The following MSH6 variants were observed in gnomAD, a reference collection of about 807,000 sequenced individuals.
MSH6 encodes the protein DNA mismatch repair protein Msh6.
A neutral mutation model predicts 119.1 loss-of-function variants in MSH6; 85 were observed. The observed-to-expected ratio is 0.71, with a 90% CI of 0.60 to 0.85. MSH6 has a LOEUF of 0.85. Among genes scored for constraint, MSH6 ranks in the 40% least tolerant of loss-of-function variants. MSH6 has a pLI of 0.00. For missense variants in MSH6, 2,163 were observed against 1,655.3 expected, an observed-to-expected ratio of 1.31 and a Z score of -5.32; for synonymous variants, 830 against 586.9, an observed-to-expected ratio of 1.41 and a Z score of -5.99.
chr2:47,783,634 T>C (rs917346080), intron 1 of MSH6, 141 bp downstream of exon 1: 7 of 842,734 alleles, frequency 8.3e-6, no homozygotes, highest in Non-Finnish European at 1.2e-5. Context: ...CAGAGTTGGC[T>C]TGAATGAGTG....
rs1668714250 is a variant in MSH6 at position 47,791,230 on chromosome 2, T to G, written c.457+107T>G. On this transcript the variant is annotated intron_variant, in intron 2 of 9. Transcript: ENST00000234420. The stretch of plus-strand genomic sequence containing the variant: ...TTCTATATGATGAAATTAAGTGTAT[T>G]TTACCCCAGTAAATTGCAAGGGGTG... The G allele has an allele frequency of 3.7e-6, 4 of 1,089,444 alleles. No homozygotes were observed. In the East Asian group the frequency reaches 9.8e-5, roughly 27 times the overall value. 67.5% of individuals were successfully genotyped at this position (1,089,444 alleles called of 1,614,324 possible).
downstream of MSH6, chr2:47,808,650 A>G (rs935328478): frequency 2.2e-6 from 1 of 444,924 alleles, no homozygotes; most frequent in African/African-American, 2.0e-5. Flanking sequence ...AATTGTATAA[A>G]GGCAGTTCTT....
intron 3 of MSH6, among the ~76,000 whole-genome samples, chr2:47,797,273 C>G (rs373105315): frequency 6.6e-6 from 1 of 152,162 alleles, no homozygotes; most frequent in Non-Finnish European, 1.5e-5. Context: ...TATAACTAAG[C>G]TCAGTTTCAT....
At chr2:47,784,385 G>A in intron 1 of MSH6, 1 of 376,172 alleles carries the variant, frequency 2.7e-6, no homozygotes, top group Non-Finnish European at 3.7e-6. Flanking sequence ...ATCGGGCGCT[G>A]GACAAAGATG....
rs1553414094 is a variant in MSH6, at chr2:47,800,724, C to A, written c.2741C>A (p.Thr914Lys). The A allele has an allele frequency of 6.2e-7, 1 of 1,614,152 alleles. No homozygotes were observed. The highest frequency in any genetic ancestry group is 8.5e-7 in the Non-Finnish European group (1 of 1,180,024). ...ACTGTAGAATTGAACCGATGGGATA[C>A]AGCCTTTGACCATGAAAAGGCTCGA... ...DLTVELNRWD[T>K]AFDHEKARKT... The change falls in exon 4 of 10, where the codon ACA becomes AAA. Residue 914 changes from threonine to lysine, a missense_variant. Physicochemically the swap from Thr to Lys is moderately conservative, Grantham distance 78 (BLOSUM62 -1). Coordinates refer to ENST00000234420, the MANE Select transcript of MSH6 (RefSeq NM_000179.3).
intron 6 of MSH6, 22 bp downstream of exon 6, chr2:47,805,049 T>A: frequency 6.8e-7 from 1 of 1,467,344 alleles, no homozygotes; most frequent in Non-Finnish European, 9.6e-7. Flanking sequence ...GTTTCCCACT[T>A]AAGTTCTCAT....
chr2:47,808,040 A>G, downstream of MSH6: 6 of 1,320,744 alleles, frequency 4.5e-6, no homozygotes, highest in Non-Finnish European at 5.3e-6. Context: ...GCATGGGCAA[A>G]TATTTTAAAT....
downstream of MSH6, chr2:47,809,400 G>T (rs775253664): frequency 2.5e-4 from 170 of 688,576 alleles, no homozygotes; most frequent in Non-Finnish European, 3.8e-4. Context: ...TGAAGTAATT[G>T]TAAGAAATCA....
At position 47,800,946 on chromosome 2, in the gene MSH6, G is replaced by A. The variant is rs115386788; in HGVS notation, c.2963G>A (p.Arg988His). Reference sequence around the variant, plus strand: ...GAAATTCCTGAGAATTTCACCACTCGCAATTTGCCAGAAGAATACGAGTTG... The same window carrying A: ...GAAATTCCTGAGAATTTCACCACTCACAATTTGCCAGAAGAATACGAGTTG... ...QLEIPENFTT[R>H]NLPEEYELKS... The change falls in exon 4 of 10, where the codon CGC becomes CAC. Residue 988 changes from arginine to histidine, a missense_variant. Physicochemically the swap from Arg to His is conservative, Grantham distance 29. Transcript: ENST00000234420. 41 of 1,571,572 alleles carry A rather than the reference G, an allele frequency of 2.6e-5. No homozygotes were observed. The South Asian group carries it at 3.7e-4, about 14-fold the overall frequency.
downstream of MSH6, chr2:47,809,780 A>G (rs1173481644): frequency 1.1e-6 from 1 of 915,804 alleles, no homozygotes; most frequent in African/African-American, 1.7e-5. Flanking sequence ...TTAGCAAGCA[A>G]ATGTAAACTG....
chr2:47,788,772 A>G (rs1479268986), intron 1 of MSH6, among the ~76,000 whole-genome samples: 12 of 150,770 alleles, frequency 8.0e-5, no homozygotes, highest in Admixed American at 7.9e-4. Context: ...GGGTTTCGCC[A>G]TGTTGGCCAG....
At chr2:47,789,409 C>CT in intron 1 of MSH6, 18 of 461,904 alleles carry the variant, frequency 3.9e-5, no homozygotes, top group Admixed American at 1.5e-4. Context: ...TTCACACAAA[C>CT]TTTTTTTTCC....
chr2:47,789,292 A>C, intron 1 of MSH6: 6 of 375,360 alleles, frequency 1.6e-5, no homozygotes, highest in Non-Finnish European at 2.1e-5. Flanking sequence ...TATATAAAGG[A>C]TAAAATGATG....
rs1057521587 is a variant in MSH6 at position 47,801,136 on chromosome 2, A to G, written c.3153A>G (p.Val1051=). The part of the protein sequence containing the change: ...DKNYKDWQSA[V]ECIAVLDVLL... The stretch of plus-strand genomic sequence containing the variant: ...ATTACAAGGACTGGCAGTCTGCTGT[A>G]GAGTGTATCGCAGTGTTGGGTAAGA... Residue 1051 remains valine, a synonymous_variant, in exon 4 of 10, where the codon GTA becomes GTG. Transcript: ENST00000234420. The G allele has an allele frequency of 3.7e-6, 6 of 1,611,552 alleles. No individual in the cohort carries two copies. Among genetic ancestry groups the G allele is most frequent in the South Asian group, 1.1e-5 (1 of 91,076 alleles).
Position 47,805,601 on chromosome 2 carries a change from A to G in MSH6, c.3557-17A>G, listed in dbSNP as rs542542093. Reference sequence around the variant, plus strand: ...TTTGCAAAATGAGTATTCATTTGTGATTTTTTTTTTTTTAAGGTGAAAGTA... The same window carrying G: ...TTTGCAAAATGAGTATTCATTTGTGGTTTTTTTTTTTTTAAGGTGAAAGTA... On this transcript the variant is annotated splice_polypyrimidine_tract_variant and intron_variant, in intron 6 of 9. Coordinates refer to ENST00000234420, the MANE Select transcript of MSH6 (RefSeq NM_000179.3). The G allele has an allele frequency of 5.9e-6, 8 of 1,346,618 alleles. No individual in the cohort carries two copies. In the East Asian group the frequency reaches 1.3e-4, roughly 22 times the overall value. 83.4% of individuals were successfully genotyped at this position (1,346,618 alleles called of 1,614,324 possible).
chr2:47,797,617 G>T (rs974828707), intron 3 of MSH6, among the ~76,000 whole-genome samples: 2 of 152,192 alleles, frequency 1.3e-5, no homozygotes, highest in Admixed American at 6.5e-5. Context: ...GTCATAAATA[G>T]AACTCCCATG....
In MSH6 at chr2:47,788,475, G is replaced by A. The variant is rs543564940; in HGVS notation, c.261-2452G>A. On this transcript the variant is annotated intron_variant, in intron 1 of 9. Coordinates refer to ENST00000234420, the MANE Select transcript of MSH6 (RefSeq NM_000179.3). ...TCACCATGTTGGCCAGGCCAGTCTCGAACTCCTGACCTCGTGATCAACCCG... is the reference window on the plus strand; with the variant it reads ...TCACCATGTTGGCCAGGCCAGTCTCAAACTCCTGACCTCGTGATCAACCCG... Among the ~76,000 whole-genome samples the A allele has an allele frequency of 4.0e-5, 6 of 148,722 alleles. No individual in the cohort carries two copies. In the South Asian group the frequency reaches 6.4e-4, roughly 16 times the overall value.
rs200837944 is a variant in MSH6, at chr2:47,801,021, A to C, written c.3038A>C (p.Lys1013Thr). ...CKRYWTKTIEKKLANLINAEE... is the reference protein window; with the variant it reads ...CKRYWTKTIETKLANLINAEE... ...CGATACTGGACCAAAACTATTGAAA[A>C]GAAGTTGGCTAATCTCATAAATGCT... The change falls in exon 4 of 10, where the codon AAG becomes ACG. Residue 1013 changes from lysine to threonine, a missense_variant. Transcript: ENST00000234420. The C allele has an allele frequency of 6.3e-7, 1 of 1,574,906 alleles. No homozygotes were observed. The highest frequency in any genetic ancestry group is 8.6e-7 in the Non-Finnish European group (1 of 1,161,856).
rs1558387976 is a variant in MSH6, at chr2:47,803,699, AAAGTT to A, written c.3438+15_3438+19del. ...CTTATGAGACAGGTAACTGATTCTT[AAAGTT>A]TTGTTATCAGAAAGTCATTTGTGAC... On this transcript the variant is annotated intron_variant, in intron 5 of 9. Coordinates refer to ENST00000234420, the MANE Select transcript of MSH6 (RefSeq NM_000179.3). 2 of 1,613,608 alleles carry A rather than the reference AAAGTT, an allele frequency of 1.2e-6. No individual in the cohort carries two copies. Among genetic ancestry groups the A allele is most frequent in the South Asian group, 2.2e-5 (2 of 91,068 alleles).
Sources: gnomAD v4.1 joint callset for allele counts (sites outside exome capture counted in the v4.1 genomes callset) on GRCh38, gnomAD v4.1.1 for gene constraint, MANE v1.5 for transcripts, NCBI Gene and HGNC (gene_info 2026-07-23, HGNC 2026-07-21) for gene names.